PRKD1: variants seen among roughly 807,000 people sequenced by gnomAD.
PRKD1 encodes the protein protein kinase D1.
PRKD1 carries 63 observed loss-of-function variants against 95.9 expected under a neutral mutation model. That is an observed-to-expected ratio of 0.66 (90% CI 0.54 to 0.81). PRKD1 has a LOEUF of 0.81. PRKD1 is among the 30% of genes least tolerant of loss of function. PRKD1 has a pLI of 0.00. For synonymous variants in PRKD1, 425 were observed against 423.1 expected, an observed-to-expected ratio of 1.00 and a Z score of -0.05; for missense variants, 1,048 against 1,165.3, an observed-to-expected ratio of 0.90 and a Z score of 1.47.
At chr14:29,875,934 C>T (rs943633955) in intron 1 of PRKD1, among the ~76,000 whole-genome samples, 1 of 152,156 alleles carries the variant, frequency 6.6e-6, no homozygotes, top group African/African-American at 2.4e-5. Context: ...TCTTTGACAG[C>T]AACAGAATTC....
intron 2 of PRKD1, among the ~76,000 whole-genome samples, chr14:29,715,051 A>G (rs1387034430): frequency 1.3e-5 from 2 of 152,148 alleles, no homozygotes; most frequent in African/African-American, 4.8e-5. Flanking sequence ...TGGCACATGT[A>G]TACCTATGTA....
chr14:29,719,004 AATATT>A lies in PRKD1; in HGVS notation c.403+6527_403+6531del, dbSNP rs372303030. ...TATTATATCTAAGACAAATTAATAT[AATATT>A]ATATCTAAGAGAAATTAATATATAA... On this transcript the variant is annotated intron_variant, in intron 2 of 17. Coordinates refer to ENST00000331968, the MANE Select transcript of PRKD1 (RefSeq NM_002742.3). Among the ~76,000 whole-genome samples, 1,371 of 152,206 alleles carry A rather than the reference AATATT, an allele frequency of 9.0e-3. 16 individuals are homozygous for A. The highest frequency in any genetic ancestry group is 0.032 in the African/African-American group (1,315 of 41,570).
At chr14:29,750,180 T>TA (rs1175659245) in intron 1 of PRKD1, among the ~76,000 whole-genome samples, 1 of 152,162 alleles carries the variant, frequency 6.6e-6, no homozygotes, top group African/African-American at 2.4e-5. Context: ...CAAATTTGTT[T>TA]AAAAAAATCA....
At chr14:29,923,404 T>C (rs1036298805) in intron 1 of PRKD1, among the ~76,000 whole-genome samples, 2 of 152,194 alleles carry the variant, frequency 1.3e-5, no homozygotes, top group Admixed American at 6.5e-5. Context: ...GTGAGTTGGA[T>C]TGATCAAGCA....
intron 2 of PRKD1, among the ~76,000 whole-genome samples, chr14:29,695,655 A>T (rs1275341218): frequency 6.6e-6 from 1 of 152,252 alleles, no homozygotes; most frequent in Non-Finnish European, 1.5e-5. Flanking sequence ...TTGCCTTTGC[A>T]AAGCTTCCTA....
At chr14:29,632,086 C>T (rs1356236349) in intron 9 of PRKD1, among the ~76,000 whole-genome samples, 1 of 152,136 alleles carries the variant, frequency 6.6e-6, no homozygotes, top group Non-Finnish European at 1.5e-5. Flanking sequence ...CAGGCATGAG[C>T]CACTGCGCCT....
intron 4 of PRKD1, among the ~76,000 whole-genome samples, chr14:29,647,632 T>C (rs2139165517): frequency 6.6e-6 from 1 of 152,328 alleles, no homozygotes; most frequent in African/African-American, 2.4e-5. Flanking sequence ...ACTGTGACAC[T>C]GATTACTACT....
intron 1 of PRKD1, among the ~76,000 whole-genome samples, chr14:29,727,134 T>A (rs2139399104): frequency 6.6e-6 from 1 of 152,332 alleles, no homozygotes; most frequent in African/African-American, 2.4e-5. Context: ...TTGATTTGCA[T>A]TTCTCTGATG....
intron 1 of PRKD1, among the ~76,000 whole-genome samples, chr14:29,779,897 G>C (rs1888962844): frequency 6.6e-6 from 1 of 152,042 alleles, no homozygotes; most frequent in African/African-American, 2.4e-5. Context: ...ATACTACAAG[G>C]CTACAGTAAC....
At chr14:29,832,442 T>G (rs1891447485) in intron 1 of PRKD1, among the ~76,000 whole-genome samples, 1 of 152,186 alleles carries the variant, frequency 6.6e-6, no homozygotes, top group Non-Finnish European at 1.5e-5. Context: ...GTTTGTCTGT[T>G]ATGTATGTTG....
rs541580708 is a variant in PRKD1, at chr14:29,626,084, A to C, written c.1798+400T>G. On this transcript the variant is annotated intron_variant, in intron 12 of 17. Transcript: ENST00000331968. The stretch of plus-strand genomic sequence containing the variant: ...ACAAATATATTGTTAAAGACACTGG[A>C]AAGTTAAATTTTGTTTTGTCTAATA... 3.3e-5 allele frequency among the ~76,000 whole-genome samples: 5 copies of C among 152,252 alleles called. No homozygotes were observed. In the South Asian group the frequency reaches 1.0e-3, roughly 32 times the overall value.
intron 4 of PRKD1, among the ~76,000 whole-genome samples, chr14:29,641,940 G>C (rs1295508541): frequency 1.4e-5 from 1 of 69,246 alleles, no homozygotes; most frequent in Non-Finnish European, 2.7e-5. Flanking sequence ...TTTCGCTCTT[G>C]TTGCCCAGGC....
intron 2 of PRKD1, among the ~76,000 whole-genome samples, chr14:29,671,264 T>C (rs1029579658): frequency 1.3e-5 from 2 of 152,046 alleles, no homozygotes; most frequent in Non-Finnish European, 2.9e-5. Context: ...TAGATAAATG[T>C]TGTGACTGCC....
chr14:29,894,000 A>G (rs1894030541), intron 1 of PRKD1, among the ~76,000 whole-genome samples: 1 of 152,240 alleles, frequency 6.6e-6, no homozygotes, highest in African/African-American at 2.4e-5. Flanking sequence ...GAGAATCACT[A>G]TGCAAACATG....
chr14:29,628,442 G>A (rs1191603), intron 11 of PRKD1, among the ~76,000 whole-genome samples: 141,934 of 152,226 alleles, frequency 0.93, 66,466 homozygotes, highest in Non-Finnish European at 0.98. Context: ...AACATTTGAC[G>A]GACTGTAAAA....
At chr14:29,664,390 T>TC (rs1882362868) in intron 3 of PRKD1, among the ~76,000 whole-genome samples, 1 of 152,196 alleles carries the variant, frequency 6.6e-6, no homozygotes. Flanking sequence ...CATGCTGGTT[T>TC]CCACATGGTA....
chr14:29,784,448 T>C (rs1427020394), intron 1 of PRKD1, among the ~76,000 whole-genome samples: 3 of 152,204 alleles, frequency 2.0e-5, no homozygotes, highest in Non-Finnish European at 4.4e-5. Flanking sequence ...GGTATTTTGA[T>C]AGAGATTGCA....
At chr14:29,823,828 G>A (rs1403082074) in intron 1 of PRKD1, among the ~76,000 whole-genome samples, 1 of 152,142 alleles carries the variant, frequency 6.6e-6, no homozygotes, top group African/African-American at 2.4e-5. Flanking sequence ...TCATTTGAAT[G>A]ATGAATAGCC....
intron 2 of PRKD1, among the ~76,000 whole-genome samples, chr14:29,688,597 A>C (rs2139289895): frequency 6.6e-6 from 1 of 152,182 alleles, no homozygotes; most frequent in Admixed American, 6.6e-5. Flanking sequence ...TATTCCTTAA[A>C]CTTTGAGAGG....
Sources: gnomAD v4.1 joint callset for allele counts (sites outside exome capture counted in the v4.1 genomes callset) on GRCh38, gnomAD v4.1.1 for gene constraint, MANE v1.5 for transcripts, NCBI Gene and HGNC (gene_info 2026-07-23, HGNC 2026-07-21) for gene names.